Variants in CNTRL observed in about 807,000 individuals in gnomAD.
The protein encoded by CNTRL is centriolin, also known as 110 kDa centrosomal protein.
Under a neutral mutation model 303.7 loss-of-function variants are expected in CNTRL, and 233 were observed. That is an observed-to-expected ratio of 0.77 (90% CI 0.69 to 0.86). The LOEUF (loss-of-function observed/expected upper bound fraction) is 0.86, where lower values mean the gene tolerates loss of function less well. Among genes scored for constraint, CNTRL ranks in the 40% least tolerant of loss-of-function variants. CNTRL has a pLI of 0.00. For missense variants in CNTRL, 2,524 were observed against 2,650.6 expected (o/e 0.95, Z 1.05); for synonymous variants, 900 against 922.2 (o/e 0.98, Z 0.44).
intron 25 of CNTRL, among the ~76,000 whole-genome samples, chr9:121,150,820 G>A (rs1446653747): frequency 2.6e-5 from 4 of 152,164 alleles, no homozygotes; most frequent in African/African-American, 7.2e-5. Context: ...ACAAACCTGG[G>A]TTAGCCATTT....
Position 121,096,046 on chromosome 9 carries a change from C to A in CNTRL, c.480-376C>A, listed in dbSNP as rs117522850. The stretch of plus-strand genomic sequence containing the variant: ...AACTTAAGACAATAATTAGGAACAT[C>A]TTTTGGACAGGAATGTAGCAGATAG... On this transcript the variant is annotated intron_variant, in intron 5 of 43. Transcript: ENST00000373855. Among the ~76,000 whole-genome samples the A allele has an allele frequency of 6.0e-3, 918 of 152,302 alleles. 6 individuals are homozygous for A. The highest frequency in any genetic ancestry group is 9.4e-3 in the Non-Finnish European group (642 of 68,018).
At chr9:121,081,179 C>G (rs758536514) in intron 2 of CNTRL, among the ~76,000 whole-genome samples, 3 of 152,158 alleles carry the variant, frequency 2.0e-5, no homozygotes, top group Non-Finnish European at 4.4e-5. Context: ...TGTTAGAAAG[C>G]TGGGAGTTTG....
In CNTRL at chr9:121,091,082, A is replaced by G. The variant is rs144365864; in HGVS notation, c.348+677A>G. ...AAGGACCTGCCCCCATGATTCAATT[A>G]TCTCCCACTGGGTCCCTCCCACAAC... On this transcript the variant is annotated intron_variant, in intron 4 of 43. Transcript: ENST00000373855. 7.3e-3 allele frequency among the ~76,000 whole-genome samples: 1,113 copies of G among 152,300 alleles called. 13 individuals carry two copies. Among genetic ancestry groups the G allele is most frequent in the African/African-American group, 0.025 (1,050 of 41,568 alleles).
rs2048982377 is a variant in CNTRL at position 121,098,392 on chromosome 9, G to C, written c.628G>C (p.Asp210His). The C allele has an allele frequency of 6.2e-7, 1 of 1,603,438 alleles. No individual in the cohort carries two copies. Among genetic ancestry groups the C allele is most frequent in the Non-Finnish European group, 8.5e-7 (1 of 1,172,120 alleles). ...LKGNKISSLQ[D>H]ISKLKPLQDL... ...TAATGTTATATCATTTCAGCTCCAA[G>C]ATATAAGCAAGTTGAAACCGCTTCA... is the stretch of plus-strand genomic sequence containing the variant. Residue 210 changes from aspartate (D) to histidine (H), a missense_variant, in exon 7 of 44, where the codon GAT (aspartate) becomes CAT (histidine). Transcript: ENST00000373855.
chr9:121,158,767 T>A, intron 30 of CNTRL, 88 bp from the exon 31 acceptor site: 1 of 1,295,698 alleles, frequency 7.7e-7, no homozygotes, highest in Non-Finnish European at 1.1e-6. Context: ...TAGCTCCTGA[T>A]TTTACCTCAC....
chr9:121,152,808 C>A, intron 26 of CNTRL, 115 bp downstream of exon 26: 1 of 794,890 alleles, frequency 1.3e-6, no homozygotes, highest in Non-Finnish European at 2.0e-6. Context: ...AAACAGTAAC[C>A]ACTAGCTCAG....
At position 121,118,386 on chromosome 9, in the gene CNTRL, G is replaced by GTGGTAGACTACAACT; in HGVS notation, c.1499_1513dup (p.Gly500_Leu504dup). On this transcript the variant is annotated inframe_insertion, in exon 12 of 44. Coordinates refer to ENST00000373855, the MANE Select transcript of CNTRL (RefSeq NM_007018.6). ...AAAGACCTTCTTTACAAGCAGTTGA[G>GTGGTAGACTACAACT]TGGTAGACTACAACTTGTAAATAAA... The GTGGTAGACTACAACT allele has an allele frequency of 6.2e-7, 1 of 1,611,038 alleles. No individual in the cohort carries two copies. Among genetic ancestry groups the GTGGTAGACTACAACT allele is most frequent in the East Asian group, 2.2e-5 (1 of 44,856 alleles).
chr9:121,146,027 C>CT (rs1396427741), intron 22 of CNTRL, 81 bp from the exon 23 acceptor site: 16 of 1,271,496 alleles, frequency 1.3e-5, no homozygotes, highest in African/African-American at 3.0e-5. Context: ...AATTAATTGG[C>CT]TCTCTTAGAA....
chr9:121,078,108 A>G (rs1016583630), intron 1 of CNTRL, among the ~76,000 whole-genome samples: 2 of 152,174 alleles, frequency 1.3e-5, no homozygotes, highest in Non-Finnish European at 2.9e-5. Flanking sequence ...AGTGCAGCTT[A>G]GCAGCATCAA....
chr9:121,143,848 G>A (rs1355536155), intron 19 of CNTRL, 55 bp from the exon 20 acceptor site: 29 of 1,430,572 alleles, frequency 2.0e-5, no homozygotes, highest in Non-Finnish European at 2.8e-5. Flanking sequence ...GCTTACATCT[G>A]AATTCATTCC....
Position 121,157,977 on chromosome 9 carries a change from T to A in CNTRL, c.4638-6T>A, listed in dbSNP as rs369948696. Reference sequence around the variant, plus strand: ...GATCTGCTCTAGTGTTGCTGGTGCTTTGTAGGCTTCAGAAACTACAGAAAG... The same window carrying A: ...GATCTGCTCTAGTGTTGCTGGTGCTATGTAGGCTTCAGAAACTACAGAAAG... On this transcript the variant is annotated splice_polypyrimidine_tract_variant and splice_region_variant and intron_variant, in intron 29 of 43. Coordinates refer to ENST00000373855, the MANE Select transcript of CNTRL (RefSeq NM_007018.6). 1 of 1,614,006 alleles carries A rather than the reference T, an allele frequency of 6.2e-7. No individual in the cohort carries two copies. The highest frequency in any genetic ancestry group is 1.3e-5 in the African/African-American group (1 of 74,918).
At chr9:121,151,852 G>C (rs977470172) in intron 25 of CNTRL, among the ~76,000 whole-genome samples, 3 of 152,180 alleles carry the variant, frequency 2.0e-5, no homozygotes, top group Non-Finnish European at 2.9e-5. Context: ...ATTGTAATAG[G>C]TCAGACTAGT....
intron 7 of CNTRL, among the ~76,000 whole-genome samples, chr9:121,104,584 A>G (rs1033780224): frequency 6.6e-6 from 1 of 152,008 alleles, no homozygotes; most frequent in African/African-American, 2.4e-5. Flanking sequence ...AGAAAATCAG[A>G]TAGACTGGAG....
At chr9:121,114,777 A>G (rs952069670) in intron 10 of CNTRL, among the ~76,000 whole-genome samples, 1 of 152,214 alleles carries the variant, frequency 6.6e-6, no homozygotes, top group Non-Finnish European at 1.5e-5. Context: ...TGTAAAGTGC[A>G]TATTTCCCAA....
chr9:121,164,898 G>C, intron 34 of CNTRL, 45 bp from the exon 35 acceptor site: 1 of 1,518,808 alleles, frequency 6.6e-7, no homozygotes, highest in South Asian at 1.2e-5. Context: ...GTCATCTCCT[G>C]TGTGTGCTTG....
At position 121,175,075 on chromosome 9, in the gene CNTRL, C is replaced by G. The variant is rs557741511; in HGVS notation, c.6805C>G (p.Gln2269Glu). Residue 2269 changes from glutamine (Q) to glutamate (E), a missense_variant, in exon 43 of 44, where the codon CAG (glutamine) becomes GAG (glutamate). By Grantham distance (29) the Gln-to-Glu change is conservative. Transcript: ENST00000373855. ...QAEVLIKGKR[Q>E]TEGTLHSLRR... is the part of the protein sequence containing the mutation. Reference sequence around the variant, plus strand: ...AGAAGTATTAATTAAAGGAAAGCGGCAGACAGAGGGCACTTTACACAGTTT... The same window carrying G: ...AGAAGTATTAATTAAAGGAAAGCGGGAGACAGAGGGCACTTTACACAGTTT... The G allele has an allele frequency of 3.6e-5, 58 of 1,613,918 alleles. No homozygotes were observed. The highest frequency in any genetic ancestry group is 5.0e-5 in the Admixed American group (3 of 59,984).
chr9:121,123,944 C>T lies in CNTRL; in HGVS notation c.1664C>T (p.Ala555Val), dbSNP rs1433862224. 6.3e-7 allele frequency: 1 copy of T among 1,596,072 alleles called. No homozygotes were observed. The change falls in exon 13 of 44, where the codon GCT (alanine) becomes GTT (valine). Residue 555 changes from alanine to valine, a missense_variant. Coordinates refer to ENST00000373855, the MANE Select transcript of CNTRL (RefSeq NM_007018.6). ...SKDPKHSHMK[A>V]QKSGKEQQLD... ...TTTTTAATTCAGTCCCATATGAAGGCTCAAAAGAGCGGTAAAGAACAACAG... is the reference window on the plus strand; with the variant it reads ...TTTTTAATTCAGTCCCATATGAAGGTTCAAAAGAGCGGTAAAGAACAACAG...
At chr9:121,175,607 A>T (rs2053491262) in intron 43 of CNTRL, among the ~76,000 whole-genome samples, 1 of 152,224 alleles carries the variant, frequency 6.6e-6, no homozygotes, top group African/African-American at 2.4e-5. Flanking sequence ...TATATTACAT[A>T]GAAAGTACTT....
intron 43 of CNTRL, among the ~76,000 whole-genome samples, chr9:121,175,604 C>T (rs560217436): frequency 1.8e-4 from 27 of 152,180 alleles, no homozygotes; most frequent in Non-Finnish European, 2.9e-4. Context: ...TAATATATTA[C>T]ATAGAAAGTA....
Sources: gnomAD v4.1 joint callset for allele counts (sites outside exome capture counted in the v4.1 genomes callset) on GRCh38, gnomAD v4.1.1 for gene constraint, MANE v1.5 for transcripts, NCBI Gene and HGNC (gene_info 2026-07-23, HGNC 2026-07-21) for gene names.